AGO2: variants seen among roughly 807,000 people sequenced by gnomAD.
AGO2 encodes argonaute RISC catalytic component 2.
AGO2 carries 5 observed loss-of-function variants against 102.3 expected under a neutral mutation model. The observed-to-expected ratio is 0.05, with a 90% confidence interval of 0.03 to 0.10. The LOEUF (loss-of-function observed/expected upper bound fraction) is 0.10, where lower values mean the gene tolerates loss of function less well. AGO2 is among the 10% of genes least tolerant of loss of function. The pLI, the probability that AGO2 is intolerant of heterozygous loss-of-function variation, is 1.00. For synonymous variants in AGO2, 449 were observed against 473.1 expected, an observed-to-expected ratio of 0.95 and a Z score of 0.66; for missense variants, 541 against 1,183.7, an observed-to-expected ratio of 0.46 and a Z score of 7.97.
At chr8:140,549,817 C>T (rs560429255) in intron 11 of AGO2, among the ~76,000 whole-genome samples, 6 of 152,316 alleles carry the variant, frequency 3.9e-5, no homozygotes, top group East Asian at 1.9e-4. Context: ...AACAGCAGCC[C>T]GCAGCCTGAG....
chr8:140,617,967 CA>C lies in AGO2; in HGVS notation c.22+17517del, dbSNP rs1294464258. On this transcript the variant is annotated intron_variant, in intron 1 of 18. Coordinates refer to ENST00000220592, the MANE Select transcript of AGO2 (RefSeq NM_012154.5). ...AGGCTGCTGTGAGCCGTGATTGCACCACTGCACTCCAGCCTGGGCAACAGAG... is the reference window on the plus strand; with the variant it reads ...AGGCTGCTGTGAGCCGTGATTGCACCCTGCACTCCAGCCTGGGCAACAGAG... Among the ~76,000 whole-genome samples the C allele has an allele frequency of 2.6e-5, 4 of 151,496 alleles. No individual in the cohort carries two copies. The East Asian group carries it at 7.8e-4, about 29-fold the overall frequency.
At chr8:140,611,092 G>C (rs1225329062) in intron 1 of AGO2, among the ~76,000 whole-genome samples, 1 of 152,180 alleles carries the variant, frequency 6.6e-6, no homozygotes, top group Non-Finnish European at 1.5e-5. Context: ...GCTTCAGGGA[G>C]GTCCCCAGGG....
chr8:140,537,866 G>A lies in AGO2; in HGVS notation c.2169+1454C>T, dbSNP rs114538650. The stretch of plus-strand genomic sequence containing the variant: ...GATAGTCTCACTCTGCCCCCCAGGC[G>A]GGAGTGCAGTAGCAAAATGTTGGCT... On this transcript the variant is annotated intron_variant, in intron 16 of 18. Coordinates refer to ENST00000220592, the MANE Select transcript of AGO2 (RefSeq NM_012154.5). Among the ~76,000 whole-genome samples, 1,298 of 152,142 alleles carry A rather than the reference G, an allele frequency of 8.5e-3. 17 individuals are homozygous for A. Among genetic ancestry groups the A allele is most frequent in the African/African-American group, 0.03 (1,241 of 41,492 alleles).
chr8:140,581,912 T>C lies in AGO2; in HGVS notation c.215+3207A>G, dbSNP rs563983038. On this transcript the variant is annotated intron_variant, in intron 2 of 18. Transcript: ENST00000220592. ...GAGTTCTGCAACCATCACCATGGCT[T>C]AGAACATTTTTACCACCCCCAAAAT... Among the ~76,000 whole-genome samples the C allele has an allele frequency of 1.7e-3, 260 of 152,310 alleles. 1 individual carries two copies. Among genetic ancestry groups the C allele is most frequent in the African/African-American group, 6.1e-3 (252 of 41,554 alleles).
intron 1 of AGO2, among the ~76,000 whole-genome samples, chr8:140,602,785 T>C (rs1169205564): frequency 6.6e-6 from 1 of 152,208 alleles, no homozygotes; most frequent in Non-Finnish European, 1.5e-5. Flanking sequence ...AGAGGTACCA[T>C]TTTTTTCCTA....
At chr8:140,612,092 G>A (rs958006644) in intron 1 of AGO2, among the ~76,000 whole-genome samples, 9 of 151,880 alleles carry the variant, frequency 5.9e-5, no homozygotes, top group Admixed American at 3.9e-4. Context: ...GAGCAGTGGC[G>A]GGCGCCTGTC....
chr8:140,532,780 C>T lies in AGO2; in HGVS notation c.2272-165G>A, dbSNP rs1014347149. ...GGGAGGCCAAGGCGGGCAGATCACG[C>T]GGTCAGGAGTTCGAGTCCAGCCTGG... is the stretch of plus-strand genomic sequence containing the variant. On this transcript the variant is annotated intron_variant, in intron 17 of 18. Transcript: ENST00000220592. 4.5e-5 allele frequency: 30 copies of T among 672,062 alleles called. 1 individual carries two copies. The highest frequency in any genetic ancestry group is 9.2e-5 in the African/African-American group (5 of 54,146). The allele number at this position is 672,062 out of a possible 1,614,324, so 41.6% of individuals were successfully genotyped here.
chr8:140,573,902 C>A (rs1163490882), intron 2 of AGO2, among the ~76,000 whole-genome samples: 1 of 152,204 alleles, frequency 6.6e-6, no homozygotes, highest in Admixed American at 6.5e-5. Context: ...CCTCTGATTG[C>A]CAGAAGAATG....
chr8:140,611,016 G>A (rs540706539), intron 1 of AGO2, among the ~76,000 whole-genome samples: 1 of 152,218 alleles, frequency 6.6e-6, no homozygotes, highest in African/African-American at 2.4e-5. Flanking sequence ...CAGATCATTC[G>A]AGAGTTAAAC....
At position 140,539,240 on chromosome 8, in the gene AGO2, A is replaced by G; in HGVS notation, c.2169+80T>C. On this transcript the variant is annotated intron_variant, in intron 16 of 18. Coordinates refer to ENST00000220592, the MANE Select transcript of AGO2 (RefSeq NM_012154.5). This position sits in a 1 kb window ranked among gnomAD's most constrained non-coding sequence, Gnocchi z 4.7. ...CTGGGACAGCGGCACTGTGGCCAGC[A>G]GGTTCTCTTGTGAGTGTGCTCGGGG... The G allele has an allele frequency of 6.8e-7, 1 of 1,475,040 alleles. No homozygotes were observed. 91.4% of individuals were successfully genotyped at this position (1,475,040 alleles called of 1,614,324 possible).
chr8:140,597,474 A>ACCC (rs1163320106), intron 1 of AGO2, among the ~76,000 whole-genome samples: 3 of 45,242 alleles, frequency 6.6e-5, no homozygotes, highest in East Asian at 5.5e-4. Context: ...TGGCCCCCCC[A>ACCC]CCCCCCCCCC....
upstream of AGO2, among the ~76,000 whole-genome samples, chr8:140,640,059 A>T (rs2074431810): frequency 6.6e-6 from 1 of 152,070 alleles, no homozygotes. Context: ...CCTAGGCTGG[A>T]GAGCAGTGGT....
intron 10 of AGO2, 116 bp downstream of exon 10, chr8:140,555,780 A>G: frequency 7.2e-7 from 1 of 1,388,264 alleles, no homozygotes; most frequent in South Asian, 1.6e-5. Flanking sequence ...GGGAGTAGAA[A>G]GGATTCTCCT....
chr8:140,614,351 T>A (rs2074116510), intron 1 of AGO2, among the ~76,000 whole-genome samples: 1 of 152,098 alleles, frequency 6.6e-6, no homozygotes, highest in Non-Finnish European at 1.5e-5. Flanking sequence ...AAGGCAGGAC[T>A]CAAGTCAATA....
chr8:140,556,426 G>A (rs763612994), intron 8 of AGO2, 140 bp from the exon 9 acceptor site: 2 of 1,094,538 alleles, frequency 1.8e-6, no homozygotes, highest in Non-Finnish European at 1.3e-6. Context: ...TGCTGTGCAG[G>A]TGTCTGCTGT....
intron 16 of AGO2, among the ~76,000 whole-genome samples, chr8:140,538,537 C>T (rs1181895850): frequency 1.3e-5 from 2 of 152,354 alleles, no homozygotes; most frequent in East Asian, 1.9e-4. Flanking sequence ...ACTCCTGCTC[C>T]TCCTCATTCC....
chr8:140,630,042 G>A (rs1486285793), intron 1 of AGO2, among the ~76,000 whole-genome samples: 1 of 152,082 alleles, frequency 6.6e-6, no homozygotes, highest in Non-Finnish European at 1.5e-5. Flanking sequence ...GCTTCTCCCA[G>A]CTCACAACGG....
At chr8:140,588,436 A>G (rs1318942431) in intron 1 of AGO2, among the ~76,000 whole-genome samples, 1 of 152,108 alleles carries the variant, frequency 6.6e-6, no homozygotes, top group Non-Finnish European at 1.5e-5. Flanking sequence ...TAAATAATGT[A>G]CATATCTTAA....
intron 2 of AGO2, among the ~76,000 whole-genome samples, chr8:140,577,456 C>T (rs1187514661): frequency 6.6e-6 from 1 of 152,060 alleles, no homozygotes; most frequent in African/African-American, 2.4e-5. Context: ...GAGTGTATAC[C>T]TTTTTTAAAG....
Sources: gnomAD v4.1 joint callset for allele counts (sites outside exome capture counted in the v4.1 genomes callset) on GRCh38, gnomAD v4.1.1 for gene constraint, Gnocchi (gnomAD v3.1) non-coding constraint, MANE v1.5 for transcripts, NCBI Gene and HGNC (gene_info 2026-07-23, HGNC 2026-07-21) for gene names.